The following POLR2J variants were observed in gnomAD, a reference collection of about 807,000 sequenced individuals.
POLR2J encodes RNA polymerase II subunit J.
In POLR2J, 12 loss-of-function variants were observed where a neutral mutation model predicts 13.4. The observed-to-expected ratio is 0.90, with a 90% CI of 0.57 to 1.45. POLR2J has a LOEUF of 1.45. POLR2J is among the 40% of genes most tolerant of loss of function. POLR2J has a pLI of 0.00. For missense variants in POLR2J, 58 were observed against 132.0 expected (o/e 0.44, Z 2.75); for synonymous variants, 31 against 53.6 (o/e 0.58, Z 1.84).
intron 3 of POLR2J, chr7:102,473,952 C>A: frequency 7.0e-7 from 1 of 1,433,224 alleles, no homozygotes; most frequent in Non-Finnish European, 9.1e-7. Context: ...TGGCTCTTTC[C>A]CCTCTAAACT....
intron 1 of POLR2J, 73 bp from the exon 2 acceptor site, chr7:102,476,343 C>T: frequency 3.5e-6 from 2 of 570,582 alleles, no homozygotes; most frequent in Non-Finnish European, 3.2e-6. Flanking sequence ...AACCCTGTCT[C>T]CTCCCGGCCA....
rs1380660919 is a variant in POLR2J, at chr7:102,473,600, G to A, written c.*49C>T. ...TGTGGTACCTGGAGCGGAGGGTCAGGCACAGGTAGGAACGGGGCTCACAGG... is the reference window on the plus strand; with the variant it reads ...TGTGGTACCTGGAGCGGAGGGTCAGACACAGGTAGGAACGGGGCTCACAGG... On this transcript the variant is annotated 3_prime_UTR_variant, in exon 4 of 4. Transcript: ENST00000292614. The A allele has an allele frequency of 6.3e-7, 1 of 1,597,540 alleles. No homozygotes were observed. Among genetic ancestry groups the A allele is most frequent in the East Asian group, 2.3e-5 (1 of 42,662 alleles).
intron 3 of POLR2J, 54 bp from the exon 4 acceptor site, chr7:102,473,738 C>G (rs1798315969): frequency 1.2e-6 from 2 of 1,611,132 alleles, no homozygotes; most frequent in Admixed American, 3.4e-5. Flanking sequence ...GGCAAGGACG[C>G]TGGAAACACA....
At chr7:102,473,821 G>A (rs1237043888) in intron 3 of POLR2J, 137 bp from the exon 4 acceptor site, 13 of 1,471,236 alleles carry the variant, frequency 8.8e-6, no homozygotes, top group Non-Finnish European at 1.2e-5. Flanking sequence ...CAGTGGAGCA[G>A]CCAAAGGGCC....
intron 1 of POLR2J, among the ~76,000 whole-genome samples, chr7:102,476,579 C>G (rs1281571292): frequency 7.1e-6 from 1 of 140,658 alleles, no homozygotes; most frequent in Admixed American, 7.1e-5. Flanking sequence ...GGTGGAGTTG[C>G]AGTGAGCCGA....
At chr7:102,476,787 CT>C (rs201298193) in intron 1 of POLR2J, among the ~76,000 whole-genome samples, 16 of 97,594 alleles carry the variant, frequency 1.6e-4, no homozygotes, top group Non-Finnish European at 2.4e-4. Flanking sequence ...TGAATTCCTC[CT>C]TTTTTTTTTC....
At chr7:102,473,914 G>GACTC (rs1798327395) in intron 3 of POLR2J, 2 of 1,434,662 alleles carry the variant, frequency 1.4e-6, no homozygotes, top group South Asian at 3.0e-5. Context: ...GTGAGCAGAC[G>GACTC]ACTCAGACGT....
In POLR2J at chr7:102,473,312, C is replaced by G. The variant is rs896860889; in HGVS notation, c.*337G>C. On this transcript the variant is annotated 3_prime_UTR_variant, in exon 4 of 4. Coordinates refer to ENST00000292614, the MANE Select transcript of POLR2J (RefSeq NM_006234.6). ...CTTCTCTCCGGCTCAGCACAGCCCC[C>G]GCAGCAGCCCCTGGACCCCGGATCT... 4.4e-5 allele frequency: 25 copies of G among 568,878 alleles called. No homozygotes were observed. The African/African-American group carries it at 4.7e-4, about 11-fold the overall frequency. 35.2% of individuals were successfully genotyped at this position (568,878 alleles called of 1,614,324 possible).
At chr7:102,475,538 T>G (rs946897427) in intron 2 of POLR2J, among the ~76,000 whole-genome samples, 59 of 152,330 alleles carry the variant, frequency 3.9e-4, no homozygotes, top group African/African-American at 1.2e-3. Context: ...GGAGCTAATC[T>G]TGACTGCTTT....
intron 1 of POLR2J, among the ~76,000 whole-genome samples, chr7:102,477,991 T>A (rs1235087537): frequency 2.6e-5 from 3 of 117,498 alleles, no homozygotes; most frequent in Non-Finnish European, 5.5e-5. Context: ...GATCCCTTTT[T>A]TTGTTTTTTG....
At chr7:102,473,789 C>A in intron 3 of POLR2J, 105 bp from the exon 4 acceptor site, 1 of 1,546,376 alleles carries the variant, frequency 6.5e-7, no homozygotes, top group South Asian at 1.2e-5. Flanking sequence ...TGGAGGGCAG[C>A]CATGGGCCAC....
intron 2 of POLR2J, among the ~76,000 whole-genome samples, chr7:102,475,206 G>A (rs544437909): frequency 6.6e-6 from 1 of 152,242 alleles, no homozygotes; most frequent in Non-Finnish European, 1.5e-5. Context: ...CCCTGCGCCT[G>A]CCCACACCAG....
intron 2 of POLR2J, among the ~76,000 whole-genome samples, chr7:102,475,241 G>T (rs1798394606): frequency 6.6e-6 from 1 of 152,262 alleles, no homozygotes; most frequent in South Asian, 2.1e-4. Context: ...CCCACTCACA[G>T]ACGGGGAAAA....
At position 102,473,314 on chromosome 7, in the gene POLR2J, C is replaced by A; in HGVS notation, c.*335G>T. Reference sequence around the variant, plus strand: ...TCTCTCCGGCTCAGCACAGCCCCCGCAGCAGCCCCTGGACCCCGGATCTTT... The same window carrying A: ...TCTCTCCGGCTCAGCACAGCCCCCGAAGCAGCCCCTGGACCCCGGATCTTT... On this transcript the variant is annotated 3_prime_UTR_variant, in exon 4 of 4. Coordinates refer to ENST00000292614, the MANE Select transcript of POLR2J (RefSeq NM_006234.6). 1 of 571,318 alleles carries A rather than the reference C, an allele frequency of 1.8e-6. No individual in the cohort carries two copies. Among genetic ancestry groups the A allele is most frequent in the Non-Finnish European group, 3.0e-6 (1 of 332,140 alleles). 35.4% of individuals were successfully genotyped at this position (571,318 alleles called of 1,614,324 possible).
chr7:102,474,016 A>G, intron 3 of POLR2J: 2 of 1,439,092 alleles, frequency 1.4e-6, no homozygotes, highest in East Asian at 2.5e-5. Context: ...CCCGGGGGTG[A>G]GCTGCCTCCC....
At chr7:102,474,642 T>C in intron 2 of POLR2J, 107 bp from the exon 3 acceptor site, 2 of 1,287,682 alleles carry the variant, frequency 1.6e-6, no homozygotes, top group Non-Finnish European at 2.1e-6. Flanking sequence ...CCCCCCCAAC[T>C]TTTTTCCCAA....
At position 102,473,745 on chromosome 7, in the gene POLR2J, C is replaced by G. The variant is rs1200640565; in HGVS notation, c.319-61G>C. ...ACAGCTGGGGCAAGGACGCTGGAAA[C>G]ACATGCCCAGCATCCCCCCCGCCAG... On this transcript the variant is annotated intron_variant, in intron 3 of 3. Coordinates refer to ENST00000292614, the MANE Select transcript of POLR2J (RefSeq NM_006234.6). 1.9e-6 allele frequency: 3 copies of G among 1,608,728 alleles called. No homozygotes were observed. The African/African-American group carries it at 4.0e-5, about 21-fold the overall frequency.
chr7:102,473,668 T>TTGTC lies in POLR2J; in HGVS notation c.331_334dup (p.Lys112ArgfsTer7). ...TGGCCCCTACTCAATTCCTTCCTGC[T>TTGTC]TGTCTTTTATGGCCACCTGGGAGAG... On this transcript the variant is annotated frameshift_variant, in exon 4 of 4. Transcript: ENST00000292614. LOFTEE classifies it high-confidence loss of function. The TTGTC allele has an allele frequency of 6.2e-7, 1 of 1,613,866 alleles. No homozygotes were observed. The highest frequency in any genetic ancestry group is 8.5e-7 in the Non-Finnish European group (1 of 1,179,922).
At chr7:102,474,119 C>A (rs1189417156) in intron 3 of POLR2J, 34 of 1,486,722 alleles carry the variant, frequency 2.3e-5, no homozygotes, top group Middle Eastern at 4.9e-4. Context: ...CGATCTGGCC[C>A]ACAGCACCCG....
Sources: allele counts gnomAD v4.1 joint callset (sites outside exome capture counted in the v4.1 genomes callset), GRCh38; gene constraint gnomAD v4.1.1; transcripts MANE v1.5; gene names NCBI Gene and HGNC (gene_info 2026-07-23, HGNC 2026-07-21).